The following ASAP2 variants were observed in gnomAD, a reference collection of about 807,000 sequenced individuals.
The protein encoded by ASAP2 is ArfGAP with SH3 domain, ankyrin repeat and PH domain 2, also known as arf-GAP with SH3 domain, ANK repeat and PH domain-containing protein 2.
In ASAP2, 45 loss-of-function variants were observed where a neutral mutation model predicts 131.4. The observed-to-expected ratio is 0.34, with a 90% CI of 0.27 to 0.44. ASAP2 has a LOEUF of 0.44. ASAP2 is among the 20% of genes least tolerant of loss of function. The pLI is 1.00. For missense variants in ASAP2, 1,011 were observed against 1,297.0 expected, an observed-to-expected ratio of 0.78 and a Z score of 3.39; for synonymous variants, 510 against 503.0, an observed-to-expected ratio of 1.01 and a Z score of -0.19.
intron 3 of ASAP2, among the ~76,000 whole-genome samples, chr2:9,297,968 G>T (rs1572383737): frequency 6.6e-6 from 1 of 152,164 alleles, no homozygotes; most frequent in Admixed American, 6.5e-5. Flanking sequence ...TGCGGTGCTG[G>T]TGCCTGCTGC....
chr2:9,396,032 T>TC (rs1023779777), intron 24 of ASAP2, among the ~76,000 whole-genome samples: 1 of 152,080 alleles, frequency 6.6e-6, no homozygotes, highest in African/African-American at 2.4e-5. Context: ...TTTTGCCCTC[T>TC]CCAAGAATAG....
At chr2:9,354,472 C>T (rs542338300) in intron 12 of ASAP2, among the ~76,000 whole-genome samples, 29 of 152,082 alleles carry the variant, frequency 1.9e-4, no homozygotes, top group African/African-American at 5.8e-4. Flanking sequence ...AGTTTTTACA[C>T]GTCAGAATGC....
chr2:9,373,228 A>G (rs896831857), intron 16 of ASAP2, among the ~76,000 whole-genome samples: 9 of 151,916 alleles, frequency 5.9e-5, no homozygotes, highest in African/African-American at 1.7e-4. Flanking sequence ...AAAGTGCCAG[A>G]GCACAAGTTC....
intron 1 of ASAP2, among the ~76,000 whole-genome samples, chr2:9,253,454 G>T (rs1238266418): frequency 6.6e-6 from 1 of 152,160 alleles, no homozygotes; most frequent in East Asian, 1.9e-4. Flanking sequence ...ATGAACCACT[G>T]TGCCCGGCCA....
chr2:9,396,985 G>C (rs992816599), intron 24 of ASAP2, among the ~76,000 whole-genome samples: 3 of 152,194 alleles, frequency 2.0e-5, no homozygotes, highest in African/African-American at 4.8e-5. Flanking sequence ...CTGGGCAACA[G>C]AGCCAGACTC....
intron 1 of ASAP2, among the ~76,000 whole-genome samples, chr2:9,275,584 C>A (rs774193324): frequency 8.5e-5 from 13 of 152,166 alleles, no homozygotes; most frequent in African/African-American, 3.1e-4. Context: ...CTCTTCTTTG[C>A]GTAGCCTCTC....
intron 20 of ASAP2, among the ~76,000 whole-genome samples, chr2:9,383,381 A>C (rs1675020097): frequency 6.6e-6 from 1 of 152,026 alleles, no homozygotes; most frequent in Admixed American, 6.6e-5. Context: ...CAGCCTCCCG[A>C]GTAGCTGAGA....
rs573651271 is a variant in ASAP2 at position 9,382,337 on chromosome 2, C to T, written c.2016+1529C>T. Among the ~76,000 whole-genome samples the T allele has an allele frequency of 7.9e-5, 12 of 152,290 alleles. No individual in the cohort carries two copies. The South Asian group carries it at 1.7e-3, about 21-fold the overall frequency. ...ATGACATAGTTTCTGCTGTTGTCCT[C>T]ATTTTACAGATGAGGACACAGGCAC... is the stretch of plus-strand genomic sequence containing the variant. On this transcript the variant is annotated intron_variant, in intron 20 of 27. Transcript: ENST00000281419.
intron 1 of ASAP2, among the ~76,000 whole-genome samples, chr2:9,220,985 C>A: frequency 6.6e-6 from 1 of 152,210 alleles, no homozygotes; most frequent in Non-Finnish European, 1.5e-5. Flanking sequence ...TATTTCTGGA[C>A]CCTCAGTTCT....
At chr2:9,286,447 A>AAAAAAAAAAATATATATATAT (rs58605449) in intron 2 of ASAP2, among the ~76,000 whole-genome samples, 8 of 148,490 alleles carry the variant, frequency 5.4e-5, no homozygotes, top group African/African-American at 2.0e-4. Flanking sequence ...GAAAAAAAAA[A>AAAAAAAAAAATATATATATAT]ATATATATAT....
intron 1 of ASAP2, among the ~76,000 whole-genome samples, chr2:9,246,743 G>A (rs1664361683): frequency 6.6e-6 from 1 of 152,136 alleles, no homozygotes; most frequent in Non-Finnish European, 1.5e-5. Context: ...ACATCTAAAT[G>A]GTTTAATCCA....
chr2:9,253,060 G>C (rs566509881), intron 1 of ASAP2, among the ~76,000 whole-genome samples: 1 of 152,152 alleles, frequency 6.6e-6, no homozygotes, highest in Admixed American at 6.5e-5. Flanking sequence ...AGCCAATCCC[G>C]AGGCAACAAA....
At chr2:9,356,377 C>G in intron 14 of ASAP2, 32 bp downstream of exon 14, 1 of 1,532,582 alleles carries the variant, frequency 6.5e-7, no homozygotes, top group Non-Finnish European at 8.8e-7. Context: ...ACCCTGGGCT[C>G]TAGGACATTT....
chr2:9,219,357 A>T (rs1363787684), intron 1 of ASAP2, among the ~76,000 whole-genome samples: 1 of 152,146 alleles, frequency 6.6e-6, no homozygotes, highest in Non-Finnish European at 1.5e-5. Context: ...GGAGAGCGGG[A>T]TTGGAGTTGT....
chr2:9,367,252 C>G (rs1010034918), intron 15 of ASAP2, among the ~76,000 whole-genome samples: 1 of 151,478 alleles, frequency 6.6e-6, no homozygotes, highest in Non-Finnish European at 1.5e-5. Flanking sequence ...AGGCTAGTCT[C>G]GAACTCCTGA....
chr2:9,380,386 C>T (rs1035559918), intron 19 of ASAP2, among the ~76,000 whole-genome samples: 6 of 151,818 alleles, frequency 4.0e-5, no homozygotes, highest in East Asian at 3.9e-4. Flanking sequence ...TTAGTAGAGA[C>T]GGGGTTTCAC....
intron 3 of ASAP2, among the ~76,000 whole-genome samples, chr2:9,305,649 C>G (rs368747081): frequency 2.6e-4 from 12 of 46,116 alleles, no homozygotes; most frequent in Admixed American, 5.7e-4. Context: ...GTGGGGTATA[C>G]ATATTGGTGG....
intron 1 of ASAP2, among the ~76,000 whole-genome samples, chr2:9,247,978 CT>C (rs1664449791): frequency 6.6e-6 from 1 of 152,212 alleles, no homozygotes. Flanking sequence ...AGAGGTCAGA[CT>C]TTTAGCAACC....
intron 2 of ASAP2, among the ~76,000 whole-genome samples, chr2:9,290,736 G>T (rs537127486): frequency 6.6e-6 from 1 of 152,298 alleles, no homozygotes; most frequent in East Asian, 1.9e-4. Flanking sequence ...TCAGGTGAGC[G>T]CTGGGTCTGA....
Sources: gnomAD v4.1 joint callset for allele counts (sites outside exome capture counted in the v4.1 genomes callset) on GRCh38, gnomAD v4.1.1 for gene constraint, MANE v1.5 for transcripts, NCBI Gene and HGNC (gene_info 2026-07-23, HGNC 2026-07-21) for gene names.